The following FAP variants were observed in gnomAD, a reference collection of about 807,000 sequenced individuals.
FAP encodes prolyl endopeptidase FAP.
In FAP, 110 loss-of-function variants were observed where a neutral mutation model predicts 126.5. The ratio of observed to expected loss-of-function variants is 0.87; its 90% CI spans 0.74 to 1.02. The LOEUF (loss-of-function observed/expected upper bound fraction) is 1.02, where lower values mean the gene tolerates loss of function less well. Ranked by LOEUF, FAP falls within the 50% of genes least tolerant of loss-of-function variation. The probability of loss-of-function intolerance (pLI) is 0.00; values close to 1 mark genes in which losing one functional copy is unlikely to be tolerated. For synonymous variants in FAP, 334 were observed against 297.3 expected (o/e 1.12, Z -1.27); for missense variants, 919 against 909.2 (o/e 1.01, Z -0.14).
intron 6 of FAP, among the ~76,000 whole-genome samples, chr2:162,221,155 A>G (rs1444274436): frequency 6.6e-6 from 1 of 152,102 alleles, no homozygotes; most frequent in Non-Finnish European, 1.5e-5. Flanking sequence ...TGGTGCTGCA[A>G]TGAGAGTCCT....
chr2:162,226,700 G>C, intron 2 of FAP, 79 bp from the exon 3 acceptor site: 1 of 761,564 alleles, frequency 1.3e-6, no homozygotes, highest in East Asian at 2.6e-5. Flanking sequence ...GCCTTCATCT[G>C]TTCTTTCTTA....
chr2:162,219,545 G>T (rs1006974473), intron 7 of FAP, among the ~76,000 whole-genome samples: 1 of 152,084 alleles, frequency 6.6e-6, no homozygotes, highest in African/African-American at 2.4e-5. Context: ...ATTTCATGTT[G>T]TCTGAAGCTA....
At chr2:162,210,740 A>G (rs1379660330) in intron 11 of FAP, among the ~76,000 whole-genome samples, 3 of 152,184 alleles carry the variant, frequency 2.0e-5, no homozygotes, top group African/African-American at 7.2e-5. Context: ...TGCAGAGGAT[A>G]TACTAGAAGT....
chr2:162,197,319 A>G (rs1243063596), intron 16 of FAP, among the ~76,000 whole-genome samples: 1 of 152,224 alleles, frequency 6.6e-6, no homozygotes, highest in Non-Finnish European at 1.5e-5. Context: ...GGAGAAAAAG[A>G]TAGATAAACA....
intron 2 of FAP, among the ~76,000 whole-genome samples, chr2:162,238,569 A>T (rs1690228444): frequency 6.6e-6 from 1 of 152,168 alleles, no homozygotes; most frequent in Non-Finnish European, 1.5e-5. Flanking sequence ...AAGCTCTTTT[A>T]TATTCATGAA....
intron 25 of FAP, chr2:162,172,485 G>A (rs1443607194): frequency 4.5e-6 from 1 of 221,798 alleles, no homozygotes; most frequent in African/African-American, 2.3e-5. Context: ...GGATGCTCAG[G>A]TTTTGCAGGG....
chr2:162,194,330 A>G, intron 17 of FAP: 1 of 170,912 alleles, frequency 5.9e-6, no homozygotes, highest in Non-Finnish European at 1.2e-5. Context: ...CCAATCCCTG[A>G]GGAAAAAAAA....
chr2:162,242,959 A>G lies in FAP; in HGVS notation c.40T>C (p.Ser14Pro). Residue 14 changes from serine to proline, a missense_variant, in exon 2 of 26, where the codon TCT becomes CCT. Ser to Pro is a moderately conservative substitution (Grantham distance 74). Transcript: ENST00000188790. ...WVKIVFGVAT[S>P]AVLALLVMCI... is the part of the protein sequence containing the mutation. ...ATCACCAATAAGGCAAGCACAGCAGAGGTGGCAACTCCAAATACGATTTTT... is the reference window on the plus strand; with the variant it reads ...ATCACCAATAAGGCAAGCACAGCAGGGGTGGCAACTCCAAATACGATTTTT... The G allele has an allele frequency of 6.2e-7, 1 of 1,613,184 alleles. No individual in the cohort carries two copies. Among genetic ancestry groups the G allele is most frequent in the South Asian group, 1.1e-5 (1 of 90,986 alleles).
chr2:162,204,995 TAAG>T (rs1490253197), intron 12 of FAP, among the ~76,000 whole-genome samples: 1 of 152,098 alleles, frequency 6.6e-6, no homozygotes, highest in Non-Finnish European at 1.5e-5. Flanking sequence ...CACATCCAAA[TAAG>T]GTAGATGCCT....
chr2:162,230,673 A>T (rs1244940135), intron 2 of FAP, among the ~76,000 whole-genome samples: 8 of 152,010 alleles, frequency 5.3e-5, no homozygotes, highest in African/African-American at 1.9e-4. Flanking sequence ...AAATATTTAT[A>T]AAAATTTGGT....
chr2:162,213,334 C>A (rs917174537), intron 11 of FAP, among the ~76,000 whole-genome samples: 2 of 151,086 alleles, frequency 1.3e-5, no homozygotes, highest in Non-Finnish European at 2.9e-5. Context: ...CCAGATTGCG[C>A]CACTGCACTC....
Position 162,229,381 on chromosome 2 carries a change from G to A in FAP, c.92-2760C>T, listed in dbSNP as rs149200909. 5.6e-4 allele frequency among the ~76,000 whole-genome samples: 85 copies of A among 152,180 alleles called. 1 individual carries two copies. The East Asian group carries it at 0.016, about 29-fold the overall frequency. On this transcript the variant is annotated intron_variant, in intron 2 of 25. Coordinates refer to ENST00000188790, the MANE Select transcript of FAP (RefSeq NM_004460.5). ...GCAGATTTGTCCACTGGGAATTTTT[G>A]CTTCTGAATATCTACTAAAACCACA...
At chr2:162,183,693 G>C (rs1576139753) in intron 20 of FAP, 1 of 430,784 alleles carries the variant, frequency 2.3e-6, no homozygotes, top group East Asian at 4.4e-5. Flanking sequence ...GTTATTGACT[G>C]GTAATGTCAG....
At position 162,198,834 on chromosome 2, in the gene FAP, T is replaced by G. The variant is rs79484073; in HGVS notation, c.1325A>C (p.His442Pro). Residue 442 changes from histidine (H) to proline (P), a missense_variant, in exon 16 of 26, where the codon CAT becomes CCT. Physicochemically the swap from His to Pro is moderately conservative, Grantham distance 77 (BLOSUM62 -2). Coordinates refer to ENST00000188790, the MANE Select transcript of FAP (RefSeq NM_004460.5). ...ATATTGGCACCTTTCTTTCCTTAGA[T>G]GGCAAGTAACACACTTCTTGCTTGG... is the stretch of plus-strand genomic sequence containing the variant. ...YPPSKKCVTC[H>P]LRKERCQYYT... 1 of 1,613,688 alleles carries G rather than the reference T, an allele frequency of 6.2e-7. No individual in the cohort carries two copies. Among genetic ancestry groups the G allele is most frequent in the Non-Finnish European group, 8.5e-7 (1 of 1,179,694 alleles).
rs77185601 is a variant in FAP, at chr2:162,186,775, C to T, written c.1814+1394G>A. ...ATGCAAATAGATGTGAGCCATGGTG[C>T]TAAAAAAAGTCCCCCATGGAATTAA... On this transcript the variant is annotated intron_variant, in intron 20 of 25. Transcript: ENST00000188790. Among the ~76,000 whole-genome samples, 362 of 152,014 alleles carry T rather than the reference C, an allele frequency of 2.4e-3. 9 individuals are homozygous for T. In the East Asian group the frequency reaches 0.061, roughly 26 times the overall value.
intron 2 of FAP, among the ~76,000 whole-genome samples, chr2:162,241,536 T>C (rs1231199242): frequency 1.3e-5 from 2 of 152,232 alleles, no homozygotes; most frequent in Admixed American, 1.3e-4. Context: ...CAAACTTTTG[T>C]TCCAAGAACA....
In FAP at chr2:162,202,893, A is replaced by G; in HGVS notation, c.1202T>C (p.Phe401Ser). ...TTACAGTGAATCCTGTGTTACTCTGAATATATTTATGGCCTCCCACTTGCC... is the reference window on the plus strand; with the variant it reads ...TTACAGTGAATCCTGTGTTACTCTGGATATATTTATGGCCTCCCACTTGCC... The part of the protein sequence containing the change: ...TSGKWEAINI[F>S]RVTQDSLFYS... Residue 401 changes from phenylalanine to serine, a missense_variant, in exon 14 of 26, where the codon TTC becomes TCC. Coordinates refer to ENST00000188790, the MANE Select transcript of FAP (RefSeq NM_004460.5). The G allele has an allele frequency of 6.2e-7, 1 of 1,613,720 alleles. No individual in the cohort carries two copies. The highest frequency in any genetic ancestry group is 8.5e-7 in the Non-Finnish European group (1 of 1,179,656).
intron 21 of FAP, among the ~76,000 whole-genome samples, chr2:162,181,256 A>G (rs1409855070): frequency 6.6e-6 from 1 of 152,148 alleles, no homozygotes; most frequent in Non-Finnish European, 1.5e-5. Context: ...CAGCCTGGGC[A>G]ACAGAGAGCA....
chr2:162,174,462 G>C (rs1482434817), intron 22 of FAP, among the ~76,000 whole-genome samples: 1 of 152,088 alleles, frequency 6.6e-6, no homozygotes, highest in African/African-American at 2.4e-5. Flanking sequence ...TTGATTTCTG[G>C]AGCAATGGAA....
Sources: gnomAD v4.1 joint callset for allele counts (sites outside exome capture counted in the v4.1 genomes callset) on GRCh38, gnomAD v4.1.1 for gene constraint, MANE v1.5 for transcripts, NCBI Gene and HGNC (gene_info 2026-07-23, HGNC 2026-07-21) for gene names.